Variants in FOXK2 observed in about 807,000 individuals in gnomAD.
The protein encoded by FOXK2 is forkhead box K2.
In FOXK2, 24 loss-of-function variants were observed where a neutral mutation model predicts 53.3. That is an observed-to-expected ratio of 0.45 (90% CI 0.33 to 0.63). The LOEUF is 0.63. FOXK2 is among the 30% of genes least tolerant of loss of function. The probability of loss-of-function intolerance (pLI) is 0.03; values close to 1 mark genes in which losing one functional copy is unlikely to be tolerated. For synonymous variants in FOXK2, 505 were observed against 407.1 expected (o/e 1.24, Z -2.89); for missense variants, 952 against 910.5 (o/e 1.05, Z -0.59).
chr17:82,525,895 T>C (rs1190894144), intron 1 of FOXK2, among the ~76,000 whole-genome samples: 3 of 151,832 alleles, frequency 2.0e-5, no homozygotes, highest in African/African-American at 4.9e-5. Context: ...TCCCACACTT[T>C]CTTTCTTACG....
chr17:82,525,553 A>G (rs892450834), intron 1 of FOXK2, among the ~76,000 whole-genome samples: 5 of 152,182 alleles, frequency 3.3e-5, no homozygotes, highest in East Asian at 1.9e-4. Context: ...AGGAAGATCA[A>G]TTGGACAGGA....
Position 82,584,081 on chromosome 17 carries a change from A to G in FOXK2, c.1172A>G (p.Glu391Gly). The G allele has an allele frequency of 6.2e-7, 1 of 1,611,910 alleles. No individual in the cohort carries two copies. Among genetic ancestry groups the G allele is most frequent in the Non-Finnish European group, 8.5e-7 (1 of 1,179,906 alleles). The part of the protein sequence containing the change: ...SAHSSGAQTP[E>G]SLSREGSPAP... ...CACTCTAGTGGCGCCCAGACCCCTG[A>G]GAGCCTGTCGAGGGAAGGTTCGCCG... Residue 391 changes from glutamate to glycine, a missense_variant, in exon 6 of 9, where the codon GAG becomes GGG. Coordinates refer to ENST00000335255, the MANE Select transcript of FOXK2 (RefSeq NM_004514.4).
chr17:82,598,172 T>C (rs190955093), intron 8 of FOXK2, among the ~76,000 whole-genome samples: 12 of 152,202 alleles, frequency 7.9e-5, no homozygotes, highest in Admixed American at 6.5e-5. Flanking sequence ...ACTAAACTTA[T>C]TCCTTCTGTC....
chr17:82,597,657 CT>C (rs1000382189), intron 8 of FOXK2, among the ~76,000 whole-genome samples: 14 of 149,512 alleles, frequency 9.4e-5, no homozygotes, highest in Non-Finnish European at 7.5e-5. Context: ...TCTTTTCTTT[CT>C]TTTTTTTTTG....
chr17:82,592,999 C>T (rs1340140314), intron 8 of FOXK2, among the ~76,000 whole-genome samples: 14 of 149,702 alleles, frequency 9.4e-5, no homozygotes, highest in African/African-American at 2.7e-4. Context: ...CTCCCTGTAC[C>T]GGGCAGAGGC....
In FOXK2 at chr17:82,597,051, G is replaced by A. The variant is rs565255194; in HGVS notation, c.1787-4252G>A. ...GCTGGTGAAGGCGGCGGCGCCTCTG[G>A]GTGTGCCCAGGGGCAGGGTCGCCTC... On this transcript the variant is annotated intron_variant, in intron 8 of 8. Transcript: ENST00000335255. 4.3e-4 allele frequency among the ~76,000 whole-genome samples: 66 copies of A among 152,276 alleles called. 1 individual carries two copies. Among genetic ancestry groups the A allele is most frequent in the Non-Finnish European group, 4.7e-4 (32 of 68,012 alleles).
At chr17:82,548,310 A>G (rs1430737217) in intron 1 of FOXK2, among the ~76,000 whole-genome samples, 13 of 152,020 alleles carry the variant, frequency 8.6e-5, no homozygotes, top group African/African-American at 2.7e-4. Flanking sequence ...CAGTCTTCTT[A>G]TATTAGCCAT....
chr17:82,544,655 G>T (rs1170682374), intron 1 of FOXK2, among the ~76,000 whole-genome samples: 1 of 152,326 alleles, frequency 6.6e-6, no homozygotes. Context: ...AGAATTGGCT[G>T]CCAGATGATT....
intron 1 of FOXK2, among the ~76,000 whole-genome samples, chr17:82,523,126 T>C (rs568358815): frequency 6.6e-6 from 1 of 152,292 alleles, no homozygotes; most frequent in South Asian, 2.1e-4. Flanking sequence ...GGAATGAGTC[T>C]TGCAGTAGAG....
At chr17:82,586,758 G>A (rs528184493) in intron 7 of FOXK2, among the ~76,000 whole-genome samples, 18 of 152,160 alleles carry the variant, frequency 1.2e-4, no homozygotes, top group African/African-American at 4.3e-4. Context: ...AAAATCAGCT[G>A]GGCATGGTGG....
chr17:82,555,796 G>A (rs2044718034), intron 1 of FOXK2, among the ~76,000 whole-genome samples: 1 of 147,874 alleles, frequency 6.8e-6, no homozygotes, highest in African/African-American at 2.5e-5. Flanking sequence ...GCTGAGGCAG[G>A]AGAATGGCGT....
chr17:82,557,141 T>C (rs1423909212), intron 1 of FOXK2, among the ~76,000 whole-genome samples: 1 of 151,546 alleles, frequency 6.6e-6, no homozygotes, highest in African/African-American at 2.4e-5. Flanking sequence ...CAAGCAATTC[T>C]CCTGCCTCAG....
chr17:82,542,793 G>C (rs2044587107), intron 1 of FOXK2, among the ~76,000 whole-genome samples: 2 of 152,182 alleles, frequency 1.3e-5, no homozygotes, highest in African/African-American at 4.8e-5. Context: ...GAGGCAGGAG[G>C]ATCAGTTGAG....
chr17:82,549,518 A>G (rs976202279), intron 1 of FOXK2, among the ~76,000 whole-genome samples: 1 of 149,942 alleles, frequency 6.7e-6, no homozygotes, highest in African/African-American at 2.5e-5. Flanking sequence ...GGGGGCCAAA[A>G]CCCCAAAATT....
intron 1 of FOXK2, among the ~76,000 whole-genome samples, chr17:82,551,445 G>A (rs1414122151): frequency 2.0e-5 from 3 of 152,292 alleles, no homozygotes; most frequent in African/African-American, 7.2e-5. Flanking sequence ...GGAGGTCAAG[G>A]CGGGTGGATC....
intron 4 of FOXK2, among the ~76,000 whole-genome samples, chr17:82,575,232 C>T (rs551832645): frequency 6.6e-6 from 1 of 152,312 alleles, no homozygotes; most frequent in East Asian, 1.9e-4. Flanking sequence ...AACACCATCT[C>T]GGTAGGAGAG....
chr17:82,548,479 T>C (rs2044647446), intron 1 of FOXK2, among the ~76,000 whole-genome samples: 1 of 152,204 alleles, frequency 6.6e-6, no homozygotes, highest in African/African-American at 2.4e-5. Context: ...TTTTAATGGG[T>C]TGTTTACCTT....
chr17:82,587,562 C>T, intron 8 of FOXK2: 1 of 445,556 alleles, frequency 2.2e-6, no homozygotes, highest in Non-Finnish European at 4.2e-6. Flanking sequence ...TGGAAGCGGC[C>T]TGAAACGGCG....
chr17:82,522,342 C>G (rs956194454), intron 1 of FOXK2, among the ~76,000 whole-genome samples: 4 of 151,380 alleles, frequency 2.6e-5, no homozygotes, highest in Non-Finnish European at 5.9e-5. Context: ...TCCCACATAC[C>G]TGGCCAAGAT....
Sources: allele counts gnomAD v4.1 joint callset (sites outside exome capture counted in the v4.1 genomes callset), GRCh38; gene constraint gnomAD v4.1.1; transcripts MANE v1.5; gene names NCBI Gene and HGNC (gene_info 2026-07-23, HGNC 2026-07-21).